The following HDAC9 variants were observed in gnomAD, a reference collection of about 807,000 sequenced individuals.
HDAC9 encodes histone deacetylase 9.
In HDAC9, 41 loss-of-function variants were observed where a neutral mutation model predicts 139.4. The ratio of observed to expected loss-of-function variants is 0.29; its 90% confidence interval spans 0.23 to 0.38. The LOEUF (loss-of-function observed/expected upper bound fraction) is 0.38. Among genes scored for constraint, HDAC9 ranks in the 10% least tolerant of loss-of-function variants. The pLI is 1.00. For missense variants in HDAC9, 1,147 were observed against 1,297.0 expected (o/e 0.88, Z 1.78); for synonymous variants, 517 against 476.2 (o/e 1.09, Z -1.12).
intron 2 of HDAC9, among the ~76,000 whole-genome samples, chr7:18,542,059 A>G (rs1364088262): frequency 6.6e-6 from 1 of 152,154 alleles, no homozygotes; most frequent in Non-Finnish European, 1.5e-5. Context: ...TACGCCCTAG[A>G]TGCCAGTAGC....
At chr7:18,757,854 G>A (rs538586212) in intron 14 of HDAC9, among the ~76,000 whole-genome samples, 89 of 152,218 alleles carry the variant, frequency 5.8e-4, no homozygotes, top group African/African-American at 2.1e-3. Flanking sequence ...CTCTCTTTCA[G>A]AAAGACTATT....
chr7:18,617,360 C>G (rs1242911775), intron 6 of HDAC9, among the ~76,000 whole-genome samples: 1 of 152,148 alleles, frequency 6.6e-6, no homozygotes, highest in Non-Finnish European at 1.5e-5. Context: ...TCTCCCCAGT[C>G]CACTACCTCA....
intron 1 of HDAC9, among the ~76,000 whole-genome samples, chr7:18,389,071 C>T (rs987273249): frequency 2.0e-5 from 3 of 152,154 alleles, no homozygotes; most frequent in Non-Finnish European, 2.9e-5. Flanking sequence ...GATTGCCTTT[C>T]GAATAGCTGT....
intron 1 of HDAC9, among the ~76,000 whole-genome samples, chr7:18,116,023 G>T (rs1783955436): frequency 6.6e-6 from 1 of 152,074 alleles, no homozygotes; most frequent in African/African-American, 2.4e-5. Flanking sequence ...TTTCTATAGA[G>T]AAAAATTCAT....
Position 18,652,411 on chromosome 7 carries a change from T to G in HDAC9, c.1467+3728T>G, listed in dbSNP as rs886657974. 4.6e-5 allele frequency among the ~76,000 whole-genome samples: 7 copies of G among 152,116 alleles called. No homozygotes were observed. In the East Asian group the frequency reaches 1.2e-3, roughly 25 times the overall value. On this transcript the variant is annotated intron_variant, in intron 11 of 25. Transcript: ENST00000686413. ...GATTTTTTTTCTGGTGAAATAAAAC[T>G]GTAATTGATTAAAACAGAATACGTA...
chr7:18,667,188 T>C (rs1327984473), intron 12 of HDAC9: 1 of 985,348 alleles, frequency 1.0e-6, no homozygotes, highest in African/African-American at 1.7e-5. Context: ...TACTTTTATT[T>C]TGTGTAATTT....
intron 1 of HDAC9, among the ~76,000 whole-genome samples, chr7:18,132,483 A>G (rs1785079244): frequency 6.6e-6 from 1 of 152,008 alleles, no homozygotes; most frequent in African/African-American, 2.4e-5. Context: ...ATCACAGCTT[A>G]TTGCAGCCTC....
intron 16 of HDAC9, among the ~76,000 whole-genome samples, chr7:18,790,953 C>T (rs755286446): frequency 1.1e-4 from 16 of 152,274 alleles, no homozygotes; most frequent in Non-Finnish European, 2.2e-4. Context: ...TGAATGTTAA[C>T]TGAATTAAAA....
chr7:18,233,730 CT>C (rs1793629618), intron 2 of HDAC9, among the ~76,000 whole-genome samples: 1 of 152,122 alleles, frequency 6.6e-6, no homozygotes, highest in Non-Finnish European at 1.5e-5. Flanking sequence ...ACCCTCTTTC[CT>C]TGCCACTTTT....
intron 1 of HDAC9, among the ~76,000 whole-genome samples, chr7:18,455,593 A>G (rs1793271114): frequency 1.3e-5 from 2 of 151,858 alleles, no homozygotes; most frequent in African/African-American, 4.9e-5. Context: ...TTATTTAATC[A>G]TTTTCCAAAG....
At chr7:18,788,158 C>A (rs1791980612) in intron 16 of HDAC9, among the ~76,000 whole-genome samples, 1 of 152,118 alleles carries the variant, frequency 6.6e-6, no homozygotes, top group Admixed American at 6.5e-5. Flanking sequence ...GACTTCTCTG[C>A]CAGCTGGAGC....
At chr7:18,710,022 T>C (rs1161118971) in intron 12 of HDAC9, among the ~76,000 whole-genome samples, 1 of 152,162 alleles carries the variant, frequency 6.6e-6, no homozygotes, top group African/African-American at 2.4e-5. Flanking sequence ...GGACTTAAAG[T>C]TCCACGTGGC....
chr7:18,991,163 T>TAAAC (rs989918164), intron 25 of HDAC9, among the ~76,000 whole-genome samples: 23 of 152,320 alleles, frequency 1.5e-4, no homozygotes, highest in African/African-American at 5.3e-4. Flanking sequence ...CATATGTATA[T>TAAAC]AAACATTTCA....
chr7:18,575,244 A>T (rs1378907960), intron 2 of HDAC9, among the ~76,000 whole-genome samples: 3 of 152,260 alleles, frequency 2.0e-5, no homozygotes, highest in African/African-American at 7.2e-5. Flanking sequence ...ACTGTTGGTT[A>T]TTTTAGCTAA....
At chr7:18,978,004 C>G (rs1784659988) in intron 25 of HDAC9, among the ~76,000 whole-genome samples, 1 of 151,564 alleles carries the variant, frequency 6.6e-6, no homozygotes, top group African/African-American at 2.4e-5. Context: ...AGAGCATTTA[C>G]TCTTTTCAGG....
At chr7:18,308,351 A>G (rs576767001) in intron 1 of HDAC9, among the ~76,000 whole-genome samples, 1 of 152,320 alleles carries the variant, frequency 6.6e-6, no homozygotes, top group African/African-American at 2.4e-5. Context: ...TTGCTTAACC[A>G]TATACAAGAA....
chr7:18,692,626 T>A (rs1484391893), intron 12 of HDAC9, among the ~76,000 whole-genome samples: 1 of 152,104 alleles, frequency 6.6e-6, no homozygotes, highest in Non-Finnish European at 1.5e-5. Context: ...AATTTCTGTT[T>A]AAAGAGATTT....
At chr7:18,724,274 CAGACCT>C (rs1326052376) in intron 12 of HDAC9, among the ~76,000 whole-genome samples, 2 of 152,142 alleles carry the variant, frequency 1.3e-5, no homozygotes, top group African/African-American at 4.8e-5. Flanking sequence ...TATACCTACA[CAGACCT>C]AGATGGTATA....
At chr7:18,794,132 C>T (rs970276967) in intron 17 of HDAC9, among the ~76,000 whole-genome samples, 4 of 152,148 alleles carry the variant, frequency 2.6e-5, no homozygotes, top group East Asian at 1.9e-4. Context: ...TTTAAAGGTA[C>T]GCCATGTGCG....
Sources: allele counts gnomAD v4.1 joint callset (sites outside exome capture counted in the v4.1 genomes callset), GRCh38; gene constraint gnomAD v4.1.1; transcripts MANE v1.5; gene names NCBI Gene and HGNC (gene_info 2026-07-23, HGNC 2026-07-21).